Variants in TEX11 observed in about 807,000 individuals in gnomAD.
The protein encoded by TEX11 is testis expressed 11.
Under a neutral mutation model 84.4 loss-of-function variants are expected in TEX11, and 7 were observed. That is an observed-to-expected ratio of 0.08 (90% CI 0.05 to 0.16). The LOEUF (loss-of-function observed/expected upper bound fraction) is 0.16, where lower values mean the gene tolerates loss of function less well. Among genes scored for constraint, TEX11 ranks in the 10% least tolerant of loss-of-function variants. TEX11 has a pLI of 1.00. For synonymous variants in TEX11, 264 were observed against 222.8 expected (o/e 1.18, Z -1.64); for missense variants, 551 against 660.5 (o/e 0.83, Z 1.82).
intron 10 of TEX11, among the ~76,000 whole-genome samples, chrX:70,741,335 G>C (rs752701579): frequency 1.2e-4 from 13 of 111,627 alleles, no homozygotes; most frequent in Admixed American, 2.9e-4. Context: ...CATAAAACAG[G>C]ACAACTGTAT....
chrX:70,573,313 G>T (rs926145021), intron 25 of TEX11, among the ~76,000 whole-genome samples: 1 of 111,519 alleles, frequency 9.0e-6, no homozygotes, highest in Non-Finnish European at 1.9e-5. Flanking sequence ...TGATTTAAAT[G>T]GAATGCTGCC....
chrX:70,792,970 C>G (rs1319544661), intron 9 of TEX11, among the ~76,000 whole-genome samples: 1 of 111,494 alleles, frequency 9.0e-6, no homozygotes, highest in Non-Finnish European at 1.9e-5. Flanking sequence ...CTGAATCCAG[C>G]AACACATTAA....
At chrX:70,842,631 A>G (rs1407461307) in intron 7 of TEX11, among the ~76,000 whole-genome samples, 2 of 111,576 alleles carry the variant, frequency 1.8e-5, no homozygotes, top group African/African-American at 6.5e-5. Flanking sequence ...GTGCTGGCCA[A>G]GGCAATTAGG....
intron 9 of TEX11, among the ~76,000 whole-genome samples, chrX:70,791,425 C>T (rs777829899): frequency 1.5e-4 from 17 of 111,774 alleles, no homozygotes; most frequent in Non-Finnish European, 2.6e-4. Flanking sequence ...CTTCAAGAAC[C>T]CACTGACAGC....
intron 8 of TEX11, 89 bp downstream of exon 8, chrX:70,833,424 T>C (rs2091388456): frequency 1.3e-6 from 1 of 741,216 alleles, no homozygotes; most frequent in Non-Finnish European, 2.1e-6. Context: ...AAATAGAATC[T>C]CCAAAAGGTT....
chrX:70,542,101 T>C (rs2088053382), intron 28 of TEX11, among the ~76,000 whole-genome samples: 1 of 111,121 alleles, frequency 9.0e-6, no homozygotes, highest in Non-Finnish European at 1.9e-5. Flanking sequence ...AATGTTTGTG[T>C]CCCTTCAAAA....
At chrX:70,765,623 C>T (rs1383897950) in intron 9 of TEX11, among the ~76,000 whole-genome samples, 1 of 109,794 alleles carries the variant, frequency 9.1e-6, no homozygotes, top group Non-Finnish European at 1.9e-5. Flanking sequence ...ACTGGGGATA[C>T]AAGGAACATA....
At chrX:70,639,408 G>A (rs1166668334) in intron 17 of TEX11, among the ~76,000 whole-genome samples, 2 of 112,051 alleles carry the variant, frequency 1.8e-5, no homozygotes, top group Non-Finnish European at 3.8e-5. Context: ...GAACTGAGTG[G>A]AGCCCACCAC....
the TEX11 span, among the ~76,000 whole-genome samples, chrX:70,518,529 T>A: frequency 8.9e-6 from 1 of 111,763 alleles, no homozygotes; most frequent in Non-Finnish European, 1.9e-5. Context: ...TGCTGAGGAG[T>A]GCTTTACTTC....
intron 9 of TEX11, among the ~76,000 whole-genome samples, chrX:70,795,934 C>T (rs1370478964): frequency 9.0e-6 from 1 of 111,322 alleles, no homozygotes; most frequent in Admixed American, 9.6e-5. Flanking sequence ...TAACTCTTCA[C>T]TGTCCAGACA....
chrX:70,730,718 C>T lies in TEX11; in HGVS notation c.844-5375G>A, dbSNP rs188276569. ...CAATAATAATGGGAGACTTTAACAC[C>T]CCACTGTCAACATTAGACAGATCAA... On this transcript the variant is annotated intron_variant, in intron 11 of 29. Transcript: ENST00000374333. Among the ~76,000 whole-genome samples the T allele has an allele frequency of 2.9e-3, 321 of 111,237 alleles. 1 individual carries two copies. Among genetic ancestry groups the T allele is most frequent in the African/African-American group, 1.0e-2 (305 of 30,606 alleles).
intron 19 of TEX11, among the ~76,000 whole-genome samples, chrX:70,624,613 A>G (rs2147553275): frequency 8.9e-6 from 1 of 111,927 alleles, no homozygotes; most frequent in South Asian, 3.7e-4. Flanking sequence ...AGTGTAATTG[A>G]CCAACAGGAG....
At chrX:70,792,318 ATATATATAT>A in intron 9 of TEX11, among the ~76,000 whole-genome samples, 1 of 4,668 alleles carries the variant, frequency 2.1e-4, no homozygotes, top group Non-Finnish European at 3.2e-4. Context: ...AAAAAAAAAT[ATATATATAT>A]ATATATATAT....
chrX:70,786,348 A>G (rs1602128088), intron 9 of TEX11, among the ~76,000 whole-genome samples: 2 of 111,544 alleles, frequency 1.8e-5, no homozygotes, highest in Middle Eastern at 4.6e-3. Flanking sequence ...GAGGGATAGC[A>G]TTAGGAGAAA....
chrX:70,760,882 G>A (rs1160189720), intron 9 of TEX11, among the ~76,000 whole-genome samples: 1 of 111,955 alleles, frequency 8.9e-6, no homozygotes, highest in African/African-American at 3.2e-5. Flanking sequence ...CTAATGTCCA[G>A]AATCTACAAA....
intron 28 of TEX11, among the ~76,000 whole-genome samples, chrX:70,539,038 A>ATATATATATATATATATATTTTTTT: frequency 2.4e-5 from 1 of 41,255 alleles, no homozygotes; most frequent in African/African-American, 9.2e-5. Context: ...ATATATATAT[A>ATATATATATATATATATATTTTTTT]TTTTTTTTTT....
chrX:70,728,536 G>T (rs1173352620), intron 11 of TEX11, among the ~76,000 whole-genome samples: 1 of 112,198 alleles, frequency 8.9e-6, no homozygotes, highest in African/African-American at 3.2e-5. Flanking sequence ...TGGCTTGGAG[G>T]GTCCTACGCC....
At chrX:70,526,458 A>G (rs1303707560), downstream of TEX11, among the ~76,000 whole-genome samples, 1 of 110,142 alleles carries the variant, frequency 9.1e-6, no homozygotes, top group Non-Finnish European at 1.9e-5. Context: ...AGTCTCAGCT[A>G]CTTGGGAGGT....
chrX:70,875,822 T>C (rs184947179), intron 3 of TEX11, among the ~76,000 whole-genome samples: 330 of 111,270 alleles, frequency 3.0e-3, no homozygotes, highest in Non-Finnish European at 3.5e-3. Flanking sequence ...CACGGGAAAA[T>C]ATTTATTACA....
Sources: allele counts gnomAD v4.1 joint callset (sites outside exome capture counted in the v4.1 genomes callset), GRCh38; gene constraint gnomAD v4.1.1; transcripts MANE v1.5; gene names NCBI Gene and HGNC (gene_info 2026-07-23, HGNC 2026-07-21).